The following SEMA6B variants were observed in gnomAD, a reference collection of about 807,000 sequenced individuals.
The protein encoded by SEMA6B is semaphorin 6B, also known as semaphorin-6B.
Under a neutral mutation model 78.6 loss-of-function variants are expected in SEMA6B, and 47 were observed. The observed-to-expected ratio is 0.60, with a 90% CI of 0.47 to 0.76. SEMA6B has a LOEUF of 0.76. Ranked by LOEUF, SEMA6B falls within the 30% of genes least tolerant of loss-of-function variation. The probability of loss-of-function intolerance (pLI) is 0.00; values close to 1 mark genes in which losing one functional copy is unlikely to be tolerated. For missense variants in SEMA6B, 1,213 were observed against 1,269.9 expected (o/e 0.96, Z 0.68); for synonymous variants, 632 against 592.2 (o/e 1.07, Z -0.98).
At position 4,544,345 on chromosome 19, in the gene SEMA6B, C is replaced by A; in HGVS notation, c.1923G>T (p.Ala641=). The change falls in exon 17 of 17, where the codon GCG becomes GCT. Residue 641 remains alanine (A), a synonymous_variant. Coordinates refer to ENST00000586582, the MANE Select transcript of SEMA6B (RefSeq NM_032108.4). This position sits in a 1 kb window ranked among gnomAD's most constrained non-coding sequence, Gnocchi z 5.1. ...ARRKDKEAIL[A]HGAGEAVLSV... is the part of the protein sequence containing the mutation. Reference sequence around the variant, plus strand: ...TCAGCACCGCCTCGCCCGCCCCGTGCGCCAGGATGGCCTCCTTGTCCTTGC... The same window carrying A: ...TCAGCACCGCCTCGCCCGCCCCGTGAGCCAGGATGGCCTCCTTGTCCTTGC... 1 of 1,545,428 alleles carries A rather than the reference C, an allele frequency of 6.5e-7. No individual in the cohort carries two copies. Among genetic ancestry groups the A allele is most frequent in the African/African-American group, 1.4e-5 (1 of 70,378 alleles).
intron 9 of SEMA6B, among the ~76,000 whole-genome samples, chr19:4,553,823 G>A (rs1179630971): frequency 8.2e-6 from 1 of 121,788 alleles, no homozygotes. Context: ...ATGGGTGAAT[G>A]GATTGGCAGA....
rs1351753158 is a variant in SEMA6B, at chr19:4,548,464, G to A, written c.1272-19C>T. 2.5e-6 allele frequency: 4 copies of A among 1,603,810 alleles called. No individual in the cohort carries two copies. The highest frequency in any genetic ancestry group is 2.7e-5 in the African/African-American group (2 of 74,820). Reference sequence around the variant, plus strand: ...CTGGTGCCTGGGGGACAGGGCAGGGGAGGGTCAGGCTGGCCCCATATCACC... The same window carrying A: ...CTGGTGCCTGGGGGACAGGGCAGGGAAGGGTCAGGCTGGCCCCATATCACC... On this transcript the variant is annotated intron_variant, in intron 12 of 16. Coordinates refer to ENST00000586582, the MANE Select transcript of SEMA6B (RefSeq NM_032108.4).
In SEMA6B at chr19:4,544,062, C is replaced by A; in HGVS notation, c.2206G>T (p.Asp736Tyr). 3 of 1,229,304 alleles carry A rather than the reference C, an allele frequency of 2.4e-6. No homozygotes were observed. Among genetic ancestry groups the A allele is most frequent in the Non-Finnish European group, 3.0e-6 (3 of 986,046 alleles). The allele number at this position is 1,229,304 out of a possible 1,614,324, so 76.1% of individuals were successfully genotyped here. A position where few individuals can be genotyped will look rare whatever the true frequency, so the allele number is the denominator to read the frequency against. The part of the protein sequence containing the change: ...HPHALGPRAW[D>Y]HGHPLLPASA... ...GCCGGGAGCAGGGGGTGGCCGTGGT[C>A]CCAGGCGCGGGGGCCCAGGGCGTGG... Residue 736 changes from aspartate (D) to tyrosine (Y), a missense_variant, in exon 17 of 17, where the codon GAC becomes TAC. By Grantham distance (160) the Asp-to-Tyr change is radical (BLOSUM62 -3). Coordinates refer to ENST00000586582, the MANE Select transcript of SEMA6B (RefSeq NM_032108.4). This position sits in a 1 kb window ranked among gnomAD's most constrained non-coding sequence, Gnocchi z 5.1.
intron 16 of SEMA6B, chr19:4,545,938 A>AT: frequency 4.2e-6 from 1 of 240,160 alleles, no homozygotes; most frequent in Non-Finnish European, 8.2e-6. Flanking sequence ...CGCCCGGCTA[A>AT]TTTTTTGTAT....
At position 4,555,644 on chromosome 19, in the gene SEMA6B, G is replaced by A; in HGVS notation, c.472-80C>T. 8.7e-7 allele frequency: 1 copy of A among 1,147,356 alleles called. No individual in the cohort carries two copies. Among genetic ancestry groups the A allele is most frequent in the Non-Finnish European group, 1.3e-6 (1 of 786,762 alleles). 71.1% of individuals were successfully genotyped at this position (1,147,356 alleles called of 1,614,324 possible). ...CTGGCTCCCTCAGCCCCCCACTCCA[G>A]GGGGAATCCTGATCCACCACGGATT... On this transcript the variant is annotated intron_variant, in intron 6 of 16. Coordinates refer to ENST00000586582, the MANE Select transcript of SEMA6B (RefSeq NM_032108.4). The surrounding 1 kb of genome is among the most constrained non-coding windows in gnomAD (Gnocchi z 6.1).
chr19:4,543,496 A>C lies in SEMA6B; in HGVS notation c.*105T>G. On this transcript the variant is annotated 3_prime_UTR_variant, in exon 17 of 17. Transcript: ENST00000586582. Reference sequence around the variant, plus strand: ...ACTCCGCGGGTGGGTCGCGGGGGGGACTTGAGCACCCACTCGGAGTTGCCC... The same window carrying C: ...ACTCCGCGGGTGGGTCGCGGGGGGGCCTTGAGCACCCACTCGGAGTTGCCC... 2.5e-6 allele frequency: 1 copy of C among 393,880 alleles called. No individual in the cohort carries two copies. The highest frequency in any genetic ancestry group is 4.0e-6 in the Non-Finnish European group (1 of 249,836). 24.4% of individuals were successfully genotyped at this position (393,880 alleles called of 1,614,324 possible).
Position 4,544,951 on chromosome 19 carries a change from A to T in SEMA6B, c.1739-422T>A, listed in dbSNP as rs1464855553. On this transcript the variant is annotated intron_variant, in intron 16 of 16. Coordinates refer to ENST00000586582, the MANE Select transcript of SEMA6B (RefSeq NM_032108.4). The surrounding 1 kb of genome is among the most constrained non-coding windows in gnomAD (Gnocchi z 5.1). ...CTGGCCTTATTTTTATTATTTTTTA[A>T]TTTTTTTTGTTTGTTTGTTTTGAGA... 2.0e-5 allele frequency among the ~76,000 whole-genome samples: 3 copies of T among 150,566 alleles called. No homozygotes were observed. Among genetic ancestry groups the T allele is most frequent in the Admixed American group, 1.3e-4 (2 of 15,150 alleles).
rs888394318 is a variant in SEMA6B at position 4,544,269 on chromosome 19, C to T, written c.1999G>A (p.Gly667Arg). 4.6e-6 allele frequency: 6 copies of T among 1,302,286 alleles called. No homozygotes were observed. The highest frequency in any genetic ancestry group is 5.8e-6 in the Non-Finnish European group (6 of 1,029,944). 80.7% of individuals were successfully genotyped at this position (1,302,286 alleles called of 1,614,324 possible). A position where few individuals can be genotyped will look rare whatever the true frequency, so the allele number is the denominator to read the frequency against. The stretch of plus-strand genomic sequence containing the variant: ...ACCCCGGCGCCACCGCCACCGCCTC[C>T]GCCCCGGCCCCCGGGACCCTGCGCC... ...RRAQGPGGRG[G>R]GGGGGAGVPP... The change falls in exon 17 of 17, where the codon GGA (glycine) becomes AGA (arginine). Residue 667 changes from glycine (G) to arginine (R), a missense_variant. Physicochemically the swap from Gly to Arg is moderately radical, Grantham distance 125. Coordinates refer to ENST00000586582, the MANE Select transcript of SEMA6B (RefSeq NM_032108.4). This position sits in a 1 kb window ranked among gnomAD's most constrained non-coding sequence, Gnocchi z 5.1.
rs764913336 is a variant in SEMA6B, at chr19:4,544,386, G to C, written c.1882C>G (p.Arg628Gly). 6.3e-7 allele frequency: 1 copy of C among 1,595,244 alleles called. No homozygotes were observed. The highest frequency in any genetic ancestry group is 8.5e-7 in the Non-Finnish European group (1 of 1,172,746). The change falls in exon 17 of 17, where the codon CGG becomes GGG. Residue 628 changes from arginine to glycine, a missense_variant. Coordinates refer to ENST00000586582, the MANE Select transcript of SEMA6B (RefSeq NM_032108.4). The surrounding 1 kb of genome is among the most constrained non-coding windows in gnomAD (Gnocchi z 5.1). ...TTGTCCTTGCGCCGGGCCAGCTCCC[G>C]CCGCTCACGGAGGCCCACGAACCAG... ...VGWFVGLRER[R>G]ELARRKDKEA...
chr19:4,544,394 C>G lies in SEMA6B; in HGVS notation c.1874G>C (p.Arg625Pro). 6.3e-7 allele frequency: 1 copy of G among 1,599,798 alleles called. No homozygotes were observed. The highest frequency in any genetic ancestry group is 2.3e-5 in the East Asian group (1 of 43,804). The part of the protein sequence containing the change: ...GFSVGWFVGL[R>P]ERRELARRKD... ...GCGCCGGGCCAGCTCCCGCCGCTCA[C>G]GGAGGCCCACGAACCAGCCCACGCT... The change falls in exon 17 of 17, where the codon CGT becomes CCT. Residue 625 changes from arginine to proline, a missense_variant. Arg to Pro is a moderately radical substitution (Grantham distance 103). Coordinates refer to ENST00000586582, the MANE Select transcript of SEMA6B (RefSeq NM_032108.4). The surrounding 1 kb of genome is among the most constrained non-coding windows in gnomAD (Gnocchi z 5.1).
chr19:4,556,735 C>T (rs1977479958), intron 5 of SEMA6B, among the ~76,000 whole-genome samples: 1 of 150,624 alleles, frequency 6.6e-6, no homozygotes, highest in Non-Finnish European at 1.5e-5. Flanking sequence ...AGGCTGGAGG[C>T]CGGGCTAGGA....
chr19:4,546,156 C>T, intron 16 of SEMA6B, 60 bp downstream of exon 16: 2 of 1,493,060 alleles, frequency 1.3e-6, no homozygotes, highest in South Asian at 2.4e-5. Flanking sequence ...CAGCCTCCTC[C>T]CTCCCCTCCC....
rs752455498 is a variant in SEMA6B at position 4,550,228 on chromosome 19, C to A, written c.1166G>T (p.Ser389Ile). ...GTTGAGGATGTCATCCGGCAAGGCGCTGGAGGCATTGTACTGCATCCCGGG... is the reference window on the plus strand; with the variant it reads ...GTTGAGGATGTCATCCGGCAAGGCGATGGAGGCATTGTACTGCATCCCGGG... ...AAPGMQYNASSALPDDILNFV... is the reference protein window; with the variant it reads ...AAPGMQYNASIALPDDILNFV... The change falls in exon 12 of 17, where the codon AGC (serine) becomes ATC (isoleucine). Residue 389 changes from serine (S) to isoleucine (I), a missense_variant. Transcript: ENST00000586582. The surrounding 1 kb of genome is among the most constrained non-coding windows in gnomAD (Gnocchi z 6.6). 1.2e-6 allele frequency: 2 copies of A among 1,602,708 alleles called. No individual in the cohort carries two copies. Among genetic ancestry groups the A allele is most frequent in the South Asian group, 2.2e-5 (2 of 90,766 alleles).
intron 5 of SEMA6B, 39 bp from the exon 6 acceptor site, chr19:4,556,128 G>A (rs373097874): frequency 1.4e-6 from 2 of 1,468,534 alleles, no homozygotes; most frequent in African/African-American, 2.8e-5. Flanking sequence ...GCGCGATGTG[G>A]GCGTGGTCAT....
chr19:4,548,176 G>A lies in SEMA6B; in HGVS notation c.1455-3C>T, dbSNP rs770799539. The A allele has an allele frequency of 7.2e-5, 114 of 1,588,682 alleles. No individual in the cohort carries two copies. Among genetic ancestry groups the A allele is most frequent in the Non-Finnish European group, 9.7e-5 (113 of 1,162,814 alleles). Reference sequence around the variant, plus strand: ...CGCCACCGCCGGGCCGTCCACACCTGGGGACAAGCAGAGTGGTGAGGCTGA... The same window carrying A: ...CGCCACCGCCGGGCCGTCCACACCTAGGGACAAGCAGAGTGGTGAGGCTGA... On this transcript the variant is annotated splice_region_variant and splice_polypyrimidine_tract_variant and intron_variant, in intron 13 of 16. Coordinates refer to ENST00000586582, the MANE Select transcript of SEMA6B (RefSeq NM_032108.4).
Position 4,555,884 on chromosome 19 carries a change from C to T in SEMA6B, c.471+104G>A. ...AGGGAGAGTATATCCAGGAAGGCTT[C>T]CTGGAGGAGGTGACACGGCCTGGGG... On this transcript the variant is annotated intron_variant, in intron 6 of 16. Coordinates refer to ENST00000586582, the MANE Select transcript of SEMA6B (RefSeq NM_032108.4). The surrounding 1 kb of genome is among the most constrained non-coding windows in gnomAD (Gnocchi z 6.1). The T allele has an allele frequency of 5.4e-6, 5 of 923,728 alleles. No homozygotes were observed. Among genetic ancestry groups the T allele is most frequent in the African/African-American group, 1.6e-5 (1 of 61,932 alleles). The allele number at this position is 923,728 out of a possible 1,614,324, so 57.2% of individuals were successfully genotyped here.
rs1366090320 is a variant in SEMA6B, at chr19:4,558,683, CG to C, written c.-32-195del. On this transcript the variant is annotated intron_variant, in intron 1 of 16. Transcript: ENST00000586582. This position sits in a 1 kb window ranked among gnomAD's most constrained non-coding sequence, Gnocchi z 5.1. Reference sequence around the variant, plus strand: ...AATTATCAGAACAACTTTATGGCCACGTGTGCGTGAAAGCCCAGGAAACGAC... The same window carrying C: ...AATTATCAGAACAACTTTATGGCCACTGTGCGTGAAAGCCCAGGAAACGAC... 1.3e-5 allele frequency among the ~76,000 whole-genome samples: 2 copies of C among 152,170 alleles called. No homozygotes were observed. The highest frequency in any genetic ancestry group is 4.8e-5 in the African/African-American group (2 of 41,430).
rs1599777923 is a variant in SEMA6B, at chr19:4,550,499, G to C, written c.1122-227C>G. On this transcript the variant is annotated intron_variant, in intron 11 of 16. Transcript: ENST00000586582. The surrounding 1 kb of genome is among the most constrained non-coding windows in gnomAD (Gnocchi z 6.6). ...CTGCTTCAGCCACCCGAGTGGCTGGGATTACAGGCACGTGCCATCACGCCC... is the reference window on the plus strand; with the variant it reads ...CTGCTTCAGCCACCCGAGTGGCTGGCATTACAGGCACGTGCCATCACGCCC... Among the ~76,000 whole-genome samples the C allele has an allele frequency of 6.6e-6, 1 of 152,130 alleles. No individual in the cohort carries two copies. The highest frequency in any genetic ancestry group is 2.1e-4 in the South Asian group (1 of 4,830).
chr19:4,557,311 G>A (rs1977500362), intron 3 of SEMA6B, 88 bp from the exon 4 acceptor site: 6 of 902,412 alleles, frequency 6.6e-6, no homozygotes, highest in Non-Finnish European at 1.0e-5. Flanking sequence ...GTGTGCACAC[G>A]GGGGCATGCA....
Sources: gnomAD v4.1 joint callset for allele counts (sites outside exome capture counted in the v4.1 genomes callset) on GRCh38, gnomAD v4.1.1 for gene constraint, Gnocchi (gnomAD v3.1) non-coding constraint, MANE v1.5 for transcripts, NCBI Gene and HGNC (gene_info 2026-07-23, HGNC 2026-07-21) for gene names.